CNTNAP3: variants seen among roughly 807,000 people sequenced by gnomAD.
CNTNAP3 encodes contactin-associated protein-like 3.
Under a neutral mutation model 92.1 loss-of-function variants are expected in CNTNAP3, and 36 were observed. That is an observed-to-expected ratio of 0.39 (90% CI 0.30 to 0.52). CNTNAP3 has a LOEUF of 0.52. Ranked by LOEUF, CNTNAP3 falls within the 20% of genes least tolerant of loss-of-function variation. CNTNAP3 has a pLI of 0.76. For synonymous variants in CNTNAP3, 232 were observed against 422.3 expected, an observed-to-expected ratio of 0.55 and a Z score of 5.53; for missense variants, 534 against 1,069.6, an observed-to-expected ratio of 0.50 and a Z score of 6.98.
At position 39,139,353 on chromosome 9, in the gene CNTNAP3, G is replaced by A. The variant is rs1242607424; in HGVS notation, c.1876+1166C>T. Among the ~76,000 whole-genome samples the A allele has an allele frequency of 4.0e-5, 6 of 151,632 alleles. No individual in the cohort carries two copies. In the South Asian group the frequency reaches 6.2e-4, roughly 16 times the overall value. On this transcript the variant is annotated intron_variant, in intron 12 of 23. Coordinates refer to ENST00000297668, the MANE Select transcript of CNTNAP3 (RefSeq NM_033655.5). ...ACTTTGCTTTCATTGTTTGAGTCAG[G>A]GGATTTTGGAGGTAATTGGTATCTT...
chr9:39,146,630 A>G (rs1821707144), intron 10 of CNTNAP3, among the ~76,000 whole-genome samples: 1 of 152,166 alleles, frequency 6.6e-6, no homozygotes, highest in Non-Finnish European at 1.5e-5. Flanking sequence ...CGGAGCTTGC[A>G]GTGAGCCGAG....
intron 13 of CNTNAP3, among the ~76,000 whole-genome samples, chr9:39,124,352 C>G (rs1758249): frequency 6.6e-6 from 1 of 151,936 alleles, no homozygotes; most frequent in Non-Finnish European, 1.5e-5. Context: ...AAAAATGTGA[C>G]AGGGGAATTC....
At chr9:39,085,054 T>G in intron 21 of CNTNAP3, 1 of 143,008 alleles carries the variant, frequency 7.0e-6, no homozygotes, top group East Asian at 2.2e-4. Context: ...TAAAGTATAG[T>G]TCATTTTCTT....
chr9:39,079,629 A>G (rs1233121608), intron 21 of CNTNAP3, among the ~76,000 whole-genome samples: 2 of 148,270 alleles, frequency 1.3e-5, no homozygotes, highest in East Asian at 4.0e-4. Context: ...AATAACCACT[A>G]TATCTGATTT....
Position 39,070,736 on chromosome 9 carries a change from T to C in CNTNAP3, c.*3154A>G, listed in dbSNP as rs1261471041. ...GGGATGGATACCCCATTCTCCATGA[T>C]GTGCTTATTTCACAGTGCATGCCTG... On this transcript the variant is annotated 3_prime_UTR_variant, in exon 24 of 24. Transcript: ENST00000297668. Among the ~76,000 whole-genome samples, 1 of 152,280 alleles carries C rather than the reference T, an allele frequency of 6.6e-6. No homozygotes were observed. The highest frequency in any genetic ancestry group is 2.4e-5 in the African/African-American group (1 of 41,486).
At chr9:39,108,321 C>G (rs939307230) in intron 15 of CNTNAP3, among the ~76,000 whole-genome samples, 1 of 151,638 alleles carries the variant, frequency 6.6e-6, no homozygotes, top group East Asian at 1.9e-4. Context: ...ATGTTGTGTT[C>G]TCTTTGAACT....
At chr9:39,086,142 C>T (rs1209866065) in intron 20 of CNTNAP3, 1 of 434,528 alleles carries the variant, frequency 2.3e-6, no homozygotes, top group South Asian at 2.4e-5. Flanking sequence ...TAAATATGTA[C>T]TCATTCTGTG....
At chr9:39,135,471 T>C (rs1336433048) in intron 12 of CNTNAP3, among the ~76,000 whole-genome samples, 1 of 152,068 alleles carries the variant, frequency 6.6e-6, no homozygotes, top group Non-Finnish European at 1.5e-5. Context: ...GCTGTCTCAC[T>C]AGCCCAGAAG....
In CNTNAP3 at chr9:39,068,495, G is replaced by T. The variant is rs1825561681; in HGVS notation, c.*5395C>A. ...GGTGACTAGAAAAGATGTTTAAAAAGATTCCTTGAGGTCAATAATAATTTT... is the reference window on the plus strand; with the variant it reads ...GGTGACTAGAAAAGATGTTTAAAAATATTCCTTGAGGTCAATAATAATTTT... On this transcript the variant is annotated 3_prime_UTR_variant, in exon 24 of 24. Coordinates refer to ENST00000297668, the MANE Select transcript of CNTNAP3 (RefSeq NM_033655.5). Among the ~76,000 whole-genome samples the T allele has an allele frequency of 6.6e-6, 1 of 152,310 alleles. No homozygotes were observed. Among genetic ancestry groups the T allele is most frequent in the Non-Finnish European group, 1.5e-5 (1 of 68,056 alleles).
Position 39,118,268 on chromosome 9 carries a change from CAAGTAT to C in CNTNAP3, c.2081-15_2081-10del. ...GCTCAGTGGGGTTCCATCTGAAAGA[CAAGTAT>C]AAGAAACATGACATCTACTTTGTCC... is the stretch of plus-strand genomic sequence containing the variant. On this transcript the variant is annotated splice_polypyrimidine_tract_variant and intron_variant, in intron 13 of 23. Transcript: ENST00000297668. 1 of 1,613,024 alleles carries C rather than the reference CAAGTAT, an allele frequency of 6.2e-7. No individual in the cohort carries two copies. Among genetic ancestry groups the C allele is most frequent in the Non-Finnish European group, 8.5e-7 (1 of 1,179,648 alleles).
At chr9:39,119,853 G>C (rs1311221700) in intron 13 of CNTNAP3, among the ~76,000 whole-genome samples, 4 of 152,126 alleles carry the variant, frequency 2.6e-5, no homozygotes, top group African/African-American at 9.7e-5. Flanking sequence ...ATGGGCTCAA[G>C]AATAGAGTGA....
chr9:39,153,969 G>T (rs1821897295), intron 9 of CNTNAP3: 1 of 171,022 alleles, frequency 5.8e-6, no homozygotes, highest in African/African-American at 2.7e-5. Flanking sequence ...CCATTTATCT[G>T]GCATCAGGAA....
At chr9:39,133,993 AT>A (rs1433447182) in intron 12 of CNTNAP3, among the ~76,000 whole-genome samples, 9 of 152,276 alleles carry the variant, frequency 5.9e-5, no homozygotes, top group African/African-American at 2.2e-4. Context: ...TCGTATGGGG[AT>A]TTTTTAAGAA....
At position 39,249,547 on chromosome 9, in the gene CNTNAP3, GGTGA is replaced by G. The variant is rs1224670792; in HGVS notation, c.197-10365_197-10362del. Among the ~76,000 whole-genome samples, 2 of 9,388 alleles carry G rather than the reference GGTGA, an allele frequency of 2.1e-4. 1 individual carries two copies. Among genetic ancestry groups the G allele is most frequent in the African/African-American group, 2.3e-4 (2 of 8,762 alleles). The allele number at this position is 9,388 out of a possible 152,430, so 6.2% of individuals were successfully genotyped here. A position where few individuals can be genotyped will look rare whatever the true frequency, so the allele number is the denominator to read the frequency against. ...TTTATGCAGCTGGTTAACCTTGAGA[GGTGA>G]GGTTACATTTTCTTCCACACAAAGA... On this transcript the variant is annotated intron_variant, in intron 2 of 23. Transcript: ENST00000297668.
At chr9:39,132,565 A>T (rs529071777) in intron 13 of CNTNAP3, among the ~76,000 whole-genome samples, 48 of 152,220 alleles carry the variant, frequency 3.2e-4, no homozygotes, top group African/African-American at 1.1e-3. Flanking sequence ...TGACCAGAGT[A>T]AGGTGGTTAC....
chr9:39,132,955 G>T lies in CNTNAP3; in HGVS notation c.2057C>A (p.Thr686Lys), dbSNP rs901466007. 2 of 1,547,190 alleles carry T rather than the reference G, an allele frequency of 1.3e-6. No homozygotes were observed. Among genetic ancestry groups the T allele is most frequent in the South Asian group, 1.2e-5 (1 of 85,404 alleles). The change falls in exon 13 of 24, where the codon ACG (threonine) becomes AAG (lysine). Residue 686 changes from threonine to lysine, a missense_variant. Coordinates refer to ENST00000297668, the MANE Select transcript of CNTNAP3 (RefSeq NM_033655.5). ...CEQRLALRCG[T>K]ARRPDSRDGT... ...ACCTCGTGAGTCCGGGCGCCGCGCC[G>T]TCCCGCAGCGCAGAGCCAGCCGCTG...
intron 12 of CNTNAP3, among the ~76,000 whole-genome samples, chr9:39,138,190 T>G (rs1455424624): frequency 6.6e-6 from 1 of 152,122 alleles, no homozygotes; most frequent in Non-Finnish European, 1.5e-5. Context: ...AATTTTTTCT[T>G]GATAACCAGA....
chr9:39,132,883 C>T (rs763839735), intron 13 of CNTNAP3, 49 bp downstream of exon 13: 664 of 1,502,910 alleles, frequency 4.4e-4, no homozygotes, highest in Non-Finnish European at 5.7e-4. Flanking sequence ...AGCCCGAGGG[C>T]CGCGCCCCGG....
chr9:39,149,681 T>A lies in CNTNAP3; in HGVS notation c.1649+125A>T, dbSNP rs1235283511. On this transcript the variant is annotated intron_variant, in intron 10 of 23. Transcript: ENST00000297668. ...CTAATCCTCATAGTAATTATGACTA[T>A]TTCATTCCCTCTCGAAAGATAACAA... The A allele has an allele frequency of 2.8e-6, 3 of 1,074,406 alleles. No individual in the cohort carries two copies. In the African/African-American group the frequency reaches 4.8e-5, roughly 17 times the overall value. The allele number at this position is 1,074,406 out of a possible 1,614,324, so 66.6% of individuals were successfully genotyped here.
Sources: gnomAD v4.1 joint callset for allele counts (sites outside exome capture counted in the v4.1 genomes callset) on GRCh38, gnomAD v4.1.1 for gene constraint, MANE v1.5 for transcripts, NCBI Gene and HGNC (gene_info 2026-07-23, HGNC 2026-07-21) for gene names.